Variants in CTNNA3 observed in about 807,000 individuals in gnomAD.
CTNNA3 encodes catenin alpha-3.
In CTNNA3, 76 loss-of-function variants were observed where a neutral mutation model predicts 95.7. The ratio of observed to expected loss-of-function variants is 0.79; its 90% CI spans 0.66 to 0.96. CTNNA3 has a LOEUF of 0.96. Among genes scored for constraint, CTNNA3 ranks in the 40% least tolerant of loss-of-function variants. CTNNA3 has a pLI of 0.00. For missense variants in CTNNA3, 1,191 were observed against 1,089.8 expected (o/e 1.09, Z -1.31); for synonymous variants, 431 against 374.4 (o/e 1.15, Z -1.74).
rs535338210 is a variant in CTNNA3 at position 67,067,866 on chromosome 10, G to A, written c.1047+112451C>T. Among the ~76,000 whole-genome samples the A allele has an allele frequency of 8.5e-5, 13 of 152,228 alleles. No individual in the cohort carries two copies. In the South Asian group the frequency reaches 1.9e-3, roughly 22 times the overall value. On this transcript the variant is annotated intron_variant, in intron 7 of 17. Transcript: ENST00000433211. ...ATAAATGCAATGAAATATGACAAACGCTTGGCTGAAAGTATGTACAGGGTC... is the reference window on the plus strand; with the variant it reads ...ATAAATGCAATGAAATATGACAAACACTTGGCTGAAAGTATGTACAGGGTC...
intron 7 of CTNNA3, among the ~76,000 whole-genome samples, chr10:67,143,529 C>T (rs1860694690): frequency 6.6e-6 from 1 of 151,398 alleles, no homozygotes; most frequent in African/African-American, 2.4e-5. Flanking sequence ...TCCTCTCAAA[C>T]CCTGCCACTG....
chr10:67,487,316 G>A lies in CTNNA3; in HGVS notation c.579+34526C>T, dbSNP rs12249297. ...AAATGTCTCCTCCACTGGCTGCCAA[G>A]GCTCCTGATCATCCTAGGATCACCT... On this transcript the variant is annotated intron_variant, in intron 5 of 17. Coordinates refer to ENST00000433211, the MANE Select transcript of CTNNA3 (RefSeq NM_013266.4). 6.9e-3 allele frequency among the ~76,000 whole-genome samples: 1,053 copies of A among 152,256 alleles called. 12 individuals are homozygous for A. The highest frequency in any genetic ancestry group is 0.024 in the African/African-American group (1,016 of 41,534).
At chr10:66,437,064 G>A (rs867716960) in intron 11 of CTNNA3, among the ~76,000 whole-genome samples, 2 of 152,106 alleles carry the variant, frequency 1.3e-5, no homozygotes, top group East Asian at 3.9e-4. Context: ...TCCCCTGTTA[G>A]TCTGATGTGC....
chr10:67,435,975 C>A (rs1289913325), intron 5 of CTNNA3, among the ~76,000 whole-genome samples: 1 of 151,888 alleles, frequency 6.6e-6, no homozygotes, highest in African/African-American at 2.4e-5. Flanking sequence ...AAAAACAATT[C>A]TAAAATTCAT....
At chr10:67,320,132 T>C (rs993218991) in intron 5 of CTNNA3, among the ~76,000 whole-genome samples, 1 of 152,162 alleles carries the variant, frequency 6.6e-6, no homozygotes, top group Non-Finnish European at 1.5e-5. Context: ...TTGGATACCA[T>C]AGCTTCAAAA....
At chr10:66,444,538 G>C (rs1479634790) in intron 11 of CTNNA3, among the ~76,000 whole-genome samples, 1 of 151,804 alleles carries the variant, frequency 6.6e-6, no homozygotes, top group Admixed American at 6.6e-5. Context: ...TTAAAGAAAA[G>C]AATTTTCAAC....
intron 10 of CTNNA3, among the ~76,000 whole-genome samples, chr10:66,603,676 A>G (rs1264987496): frequency 2.0e-5 from 3 of 152,186 alleles, no homozygotes; most frequent in South Asian, 2.1e-4. Context: ...ATGGTTTTCA[A>G]TTGTACTACA....
Position 66,553,517 on chromosome 10 carries a change from C to CTTTTTTTT in CTNNA3, c.1375-32752_1375-32745dup. 5.6e-4 allele frequency among the ~76,000 whole-genome samples: 29 copies of CTTTTTTTT among 52,224 alleles called. 7 individuals are homozygous for CTTTTTTTT. Among genetic ancestry groups the CTTTTTTTT allele is most frequent in the African/African-American group, 8.0e-4 (9 of 11,270 alleles). 34.3% of individuals were successfully genotyped at this position (52,224 alleles called of 152,430 possible). The stretch of plus-strand genomic sequence containing the variant: ...AGATCTAATGATGAACAATACTTTT[C>CTTTTTTTT]TTTTTTTTTTTTTTTTTTTTTTTTT... On this transcript the variant is annotated intron_variant, in intron 10 of 17. Transcript: ENST00000433211.
chr10:65,981,149 A>C (rs2078312070), intron 16 of CTNNA3, among the ~76,000 whole-genome samples: 2 of 152,118 alleles, frequency 1.3e-5, no homozygotes, highest in African/African-American at 4.8e-5. Context: ...GCAAAGTTTC[A>C]GGATAAAACA....
At chr10:65,960,388 C>T (rs767136690) in intron 17 of CTNNA3, among the ~76,000 whole-genome samples, 31 of 152,048 alleles carry the variant, frequency 2.0e-4, no homozygotes, top group African/African-American at 3.9e-4. Flanking sequence ...AGCCAGGCGC[C>T]GTGGGGGGCA....
chr10:66,748,130 G>T (rs1195511958), intron 9 of CTNNA3, among the ~76,000 whole-genome samples: 2 of 152,104 alleles, frequency 1.3e-5, no homozygotes, highest in Non-Finnish European at 2.9e-5. Context: ...CTATACGAGG[G>T]AATCTAACTG....
At chr10:67,212,068 G>A (rs1253636099) in intron 6 of CTNNA3, among the ~76,000 whole-genome samples, 1 of 152,044 alleles carries the variant, frequency 6.6e-6, no homozygotes, top group Non-Finnish European at 1.5e-5. Context: ...ATAAATATTT[G>A]TTAAATATAA....
At chr10:66,352,485 A>C (rs1310904586) in intron 12 of CTNNA3, among the ~76,000 whole-genome samples, 2 of 152,156 alleles carry the variant, frequency 1.3e-5, no homozygotes, top group Non-Finnish European at 2.9e-5. Flanking sequence ...ATGGGGTCTG[A>C]AAGATGAAGG....
chr10:66,190,094 T>C (rs898287988), intron 13 of CTNNA3, among the ~76,000 whole-genome samples: 5 of 152,096 alleles, frequency 3.3e-5, no homozygotes, highest in Admixed American at 6.6e-5. Context: ...CCAGTTAAGA[T>C]AAATTTAAAA....
chr10:67,601,544 G>T (rs1237094591), intron 3 of CTNNA3, among the ~76,000 whole-genome samples: 2 of 152,154 alleles, frequency 1.3e-5, no homozygotes, highest in African/African-American at 4.8e-5. Context: ...ACGACCCAGG[G>T]TTGGGGACCC....
chr10:66,355,493 T>C (rs1433028377), intron 12 of CTNNA3, among the ~76,000 whole-genome samples: 1 of 152,090 alleles, frequency 6.6e-6, no homozygotes, highest in Non-Finnish European at 1.5e-5. Flanking sequence ...CAGTAGCACC[T>C]ACAAACATAA....
chr10:66,114,300 G>T (rs917623124), intron 13 of CTNNA3, among the ~76,000 whole-genome samples: 1 of 151,902 alleles, frequency 6.6e-6, no homozygotes. Context: ...AAGAGTTTCA[G>T]AGAATGTCTA....
intron 9 of CTNNA3, among the ~76,000 whole-genome samples, chr10:66,669,324 A>G (rs1330136657): frequency 5.3e-5 from 8 of 152,110 alleles, no homozygotes; most frequent in Non-Finnish European, 1.5e-5. Context: ...CTGATGGATC[A>G]CTTGAGGTCA....
chr10:65,932,886 A>T lies in CTNNA3; in HGVS notation c.2401-12269T>A, dbSNP rs201657325. Among the ~76,000 whole-genome samples the T allele has an allele frequency of 2.0e-5, 3 of 152,166 alleles. No homozygotes were observed. The East Asian group carries it at 5.8e-4, about 29-fold the overall frequency. ...TCTTGTCCTCCAGAAACATGTGCCA[A>T]ATGTGATTGCTCGCTCATTCTACTG... On this transcript the variant is annotated intron_variant, in intron 17 of 17. Transcript: ENST00000433211.
Sources: allele counts gnomAD v4.1 joint callset (sites outside exome capture counted in the v4.1 genomes callset), GRCh38; gene constraint gnomAD v4.1.1; transcripts MANE v1.5; gene names NCBI Gene and HGNC (gene_info 2026-07-23, HGNC 2026-07-21).